Variants in CNTN4 observed in about 807,000 individuals in gnomAD.
CNTN4 encodes the protein contactin 4.
In CNTN4, 77 loss-of-function variants were observed where a neutral mutation model predicts 122.5. That is an observed-to-expected ratio of 0.63 (90% confidence interval 0.52 to 0.76). The LOEUF is 0.76. CNTN4 is among the 30% of genes least tolerant of loss of function. The pLI, the probability that CNTN4 is intolerant of heterozygous loss-of-function variation, is 0.00. For synonymous variants in CNTN4, 512 were observed against 447.0 expected (o/e 1.15, Z -1.83); for missense variants, 1,256 against 1,259.1 (o/e 1.00, Z 0.04).
chr3:2,487,329 G>A (rs979150935), intron 3 of CNTN4, among the ~76,000 whole-genome samples: 1 of 152,130 alleles, frequency 6.6e-6, no homozygotes, highest in African/African-American at 2.4e-5. Flanking sequence ...AGTATGGAGG[G>A]TTATTGTTTA....
At chr3:2,524,586 A>G (rs1006874406) in intron 3 of CNTN4, among the ~76,000 whole-genome samples, 1 of 152,134 alleles carries the variant, frequency 6.6e-6, no homozygotes, top group Non-Finnish European at 1.5e-5. Flanking sequence ...AAATGGCTAT[A>G]AACGAAAATG....
rs116724086 is a variant in CNTN4 at position 2,383,454 on chromosome 3, A to G, written c.-89+44221A>G. 1.6e-3 allele frequency among the ~76,000 whole-genome samples: 247 copies of G among 152,112 alleles called. 2 individuals are homozygous for G. The highest frequency in any genetic ancestry group is 5.8e-3 in the African/African-American group (239 of 41,504). ...CCCACAACCCTTTGAAGTACGTACT[A>G]TTTATTTTTTCCATTTCACGGTTGA... On this transcript the variant is annotated intron_variant, in intron 3 of 24. Coordinates refer to ENST00000418658, the MANE Select transcript of CNTN4 (RefSeq NM_175607.3).
intron 4 of CNTN4, among the ~76,000 whole-genome samples, chr3:2,571,867 T>C (rs1167744028): frequency 6.6e-6 from 1 of 152,130 alleles, no homozygotes; most frequent in Non-Finnish European, 1.5e-5. Flanking sequence ...CACAGAGATA[T>C]TGGGCAATAA....
chr3:2,397,192 G>A (rs989101506), intron 3 of CNTN4, among the ~76,000 whole-genome samples: 4 of 152,142 alleles, frequency 2.6e-5, no homozygotes, highest in Admixed American at 2.0e-4. Context: ...GATTGAAGTT[G>A]TGCTAAAGAT....
chr3:2,234,388 A>G (rs2149565876), intron 2 of CNTN4, among the ~76,000 whole-genome samples: 1 of 149,082 alleles, frequency 6.7e-6, no homozygotes, highest in East Asian at 1.9e-4. Flanking sequence ...AAAAAAAAAA[A>G]AAAGAGGAAG....
intron 4 of CNTN4, among the ~76,000 whole-genome samples, chr3:2,596,032 C>G (rs1282910005): frequency 6.6e-6 from 1 of 152,092 alleles, no homozygotes; most frequent in African/African-American, 2.4e-5. Context: ...TTCTCAAAGT[C>G]TAAATTTTGT....
intron 3 of CNTN4, among the ~76,000 whole-genome samples, chr3:2,487,223 CAT>C (rs1317030896): frequency 1.3e-5 from 2 of 152,176 alleles, no homozygotes; most frequent in African/African-American, 4.8e-5. Context: ...TGTATATAAA[CAT>C]ATCATTTCTG....
At chr3:3,043,960 C>T (rs530468761) in intron 23 of CNTN4, among the ~76,000 whole-genome samples, 1 of 152,256 alleles carries the variant, frequency 6.6e-6, no homozygotes, top group African/African-American at 2.4e-5. Context: ...GTGTTTGGGT[C>T]TCCAAAAATA....
At chr3:2,775,666 CT>C (rs2091287592) in intron 6 of CNTN4, among the ~76,000 whole-genome samples, 1 of 152,144 alleles carries the variant, frequency 6.6e-6, no homozygotes. Context: ...AGTGATCTGC[CT>C]GCCTTAGCCT....
intron 7 of CNTN4, among the ~76,000 whole-genome samples, chr3:2,863,015 G>C (rs1462737262): frequency 1.3e-5 from 2 of 152,110 alleles, no homozygotes; most frequent in Admixed American, 1.3e-4. Context: ...TGGTGCTCCA[G>C]CCTAACCCTT....
intron 18 of CNTN4, 45 bp from the exon 19 acceptor site, chr3:3,038,888 C>A: frequency 1.9e-6 from 3 of 1,562,774 alleles, no homozygotes; most frequent in South Asian, 2.2e-5. Context: ...GGCCCTCATT[C>A]GCCTTTGCCG....
rs572421186 is a variant in CNTN4 at position 2,284,034 on chromosome 3, G to A, written c.-144-55144G>A. 3.3e-5 allele frequency among the ~76,000 whole-genome samples: 5 copies of A among 152,048 alleles called. No individual in the cohort carries two copies. In the South Asian group the frequency reaches 1.0e-3, roughly 32 times the overall value. ...CCAATGCAAATGTGGGCTAAAACCA[G>A]CTGAAACAGTAAGGGCATGTTAGCA... On this transcript the variant is annotated intron_variant, in intron 2 of 24. Transcript: ENST00000418658.
intron 4 of CNTN4, among the ~76,000 whole-genome samples, chr3:2,640,033 T>C (rs1214042836): frequency 6.6e-6 from 1 of 152,238 alleles, no homozygotes; most frequent in Non-Finnish European, 1.5e-5. Flanking sequence ...GTGAAAATCA[T>C]CAACATTTAT....
Position 2,402,792 on chromosome 3 carries a change from A to G in CNTN4, c.-89+63559A>G, listed in dbSNP as rs1329963158. ...CAATTCCCACCTTCTTTATGGTACA[A>G]TGTTTTTCTAGGGAATTTAATATAC... On this transcript the variant is annotated intron_variant, in intron 3 of 24. Transcript: ENST00000418658. 2.0e-5 allele frequency among the ~76,000 whole-genome samples: 3 copies of G among 152,054 alleles called. No individual in the cohort carries two copies. In the East Asian group the frequency reaches 5.8e-4, roughly 29 times the overall value.
chr3:2,993,238 T>G (rs895848174), intron 14 of CNTN4, among the ~76,000 whole-genome samples: 1 of 152,202 alleles, frequency 6.6e-6, no homozygotes, highest in Non-Finnish European at 1.5e-5. Context: ...TTTTACATAT[T>G]AACTAAGGTT....
intron 4 of CNTN4, among the ~76,000 whole-genome samples, chr3:2,588,427 T>C (rs996434673): frequency 4.6e-5 from 7 of 152,106 alleles, no homozygotes; most frequent in African/African-American, 2.4e-5. Flanking sequence ...AGTGCAGTGG[T>C]GTGATCTCGG....
chr3:2,636,179 C>T (rs1357797591), intron 4 of CNTN4, among the ~76,000 whole-genome samples: 2 of 152,122 alleles, frequency 1.3e-5, no homozygotes, highest in African/African-American at 2.4e-5. Context: ...AGACCAAACC[C>T]CAAACCTTGG....
At chr3:2,952,040 G>A (rs755044418) in intron 13 of CNTN4, among the ~76,000 whole-genome samples, 5 of 152,190 alleles carry the variant, frequency 3.3e-5, no homozygotes, top group African/African-American at 4.8e-5. Flanking sequence ...ACACAGAGAG[G>A]CCATTCTACT....
At chr3:2,568,284 G>C (rs1450630188) in intron 3 of CNTN4, among the ~76,000 whole-genome samples, 1 of 138,062 alleles carries the variant, frequency 7.2e-6, no homozygotes, top group African/African-American at 2.6e-5. Flanking sequence ...TTGTTTGAAG[G>C]GTTGAGGGAA....
Sources: gnomAD v4.1 joint callset for allele counts (sites outside exome capture counted in the v4.1 genomes callset) on GRCh38, gnomAD v4.1.1 for gene constraint, MANE v1.5 for transcripts, NCBI Gene and HGNC (gene_info 2026-07-23, HGNC 2026-07-21) for gene names.